Variants in PROM1 observed in about 807,000 individuals in gnomAD.
PROM1 encodes the protein prominin 1.
A neutral mutation model predicts 116.9 loss-of-function variants in PROM1; 105 were observed. The ratio of observed to expected loss-of-function variants is 0.90; its 90% CI spans 0.77 to 1.06. The LOEUF (loss-of-function observed/expected upper bound fraction) is 1.06, where lower values mean the gene tolerates loss of function less well. PROM1 is among the 50% of genes least tolerant of loss of function. The probability of loss-of-function intolerance (pLI) is 0.00; values close to 1 mark genes in which losing one functional copy is unlikely to be tolerated. For missense variants in PROM1, 1,122 were observed against 1,045.2 expected, an observed-to-expected ratio of 1.07 and a Z score of -1.01; for synonymous variants, 393 against 387.0, an observed-to-expected ratio of 1.02 and a Z score of -0.18.
At chr4:16,023,462 C>T in intron 7 of PROM1, 47 bp from the exon 8 acceptor site, 7 of 1,391,530 alleles carry the variant, frequency 5.0e-6, no homozygotes, top group Non-Finnish European at 7.0e-6. Context: ...CTCTGCTCAT[C>T]TCTCCACCCC....
rs756075405 is a variant in PROM1 at position 16,006,606 on chromosome 4, G to A, written c.1386C>T (p.Gly462=). The A allele has an allele frequency of 1.9e-6, 3 of 1,609,788 alleles. No homozygotes were observed. The highest frequency in any genetic ancestry group is 2.5e-6 in the Non-Finnish European group (3 of 1,178,208). Residue 462 remains glycine (G), a synonymous_variant, in exon 13 of 28, where the codon GGC becomes GGT. Coordinates refer to ENST00000447510, the MANE Select transcript of PROM1 (RefSeq NM_006017.3). The stretch of plus-strand genomic sequence containing the variant: ...TGGTCGGGGTGGCATGCCTGTCATA[G>A]CCGCACACGCCACACAGTAAGCCCA... ...YYLGLLCGVC[G]YDRHATPTTR...
chr4:16,072,474 T>C (rs1170163486), intron 2 of PROM1, among the ~76,000 whole-genome samples: 1 of 152,198 alleles, frequency 6.6e-6, no homozygotes, highest in Non-Finnish European at 1.5e-5. Flanking sequence ...AGAAAATTAT[T>C]ACAGTGAAAG....
chr4:16,040,118 C>CG (rs1560548824), intron 2 of PROM1, among the ~76,000 whole-genome samples: 1 of 152,118 alleles, frequency 6.6e-6, no homozygotes, highest in Admixed American at 6.5e-5. Flanking sequence ...GGGGGGCAAA[C>CG]GAAACACTAC....
At position 16,023,413 on chromosome 4, in the gene PROM1, T is replaced by C. The variant is rs1730417208; in HGVS notation, c.697A>G (p.Ile233Val). Residue 233 changes from isoleucine to valine, a missense_variant and splice_region_variant, in exon 8 of 28, where the codon ATC becomes GTC. Coordinates refer to ENST00000447510, the MANE Select transcript of PROM1 (RefSeq NM_006017.3). ...ATTCCGCCTCCTAGCACTGAATTGA[T>C]ACCTACATGCAAATAAGCACAAAGA... ...KDKAFTDLNS[I>V]NSVLGGGILD... 1 of 1,593,734 alleles carries C rather than the reference T, an allele frequency of 6.3e-7. No individual in the cohort carries two copies. The highest frequency in any genetic ancestry group is 1.7e-5 in the Admixed American group (1 of 58,160).
chr4:16,076,967 G>A (rs1199367489), intron 1 of PROM1, among the ~76,000 whole-genome samples: 6 of 152,342 alleles, frequency 3.9e-5, no homozygotes, highest in East Asian at 3.9e-4. Context: ...CCGGAAGACC[G>A]CAGGGACCTC....
intron 7 of PROM1, 103 bp from the exon 8 acceptor site, chr4:16,023,518 C>A: frequency 1.1e-6 from 1 of 889,324 alleles, no homozygotes. Context: ...TGCTGCAAAA[C>A]CCATTTGCAT....
intron 3 of PROM1, among the ~76,000 whole-genome samples, chr4:16,036,592 A>G (rs1733996300): frequency 1.3e-5 from 2 of 152,178 alleles, no homozygotes; most frequent in Admixed American, 1.3e-4. Flanking sequence ...AGCACCTCAC[A>G]GTGTGTGTTA....
intron 8 of PROM1, among the ~76,000 whole-genome samples, chr4:16,020,397 A>G (rs1162017460): frequency 2.0e-5 from 3 of 152,198 alleles, no homozygotes; most frequent in Non-Finnish European, 2.9e-5. Flanking sequence ...CCTATCATCC[A>G]GTATTGTCGG....
At chr4:16,026,432 T>C (rs1250424223) in intron 5 of PROM1, among the ~76,000 whole-genome samples, 1 of 152,004 alleles carries the variant, frequency 6.6e-6, no homozygotes, top group African/African-American at 2.4e-5. Context: ...ACTTGTTAGT[T>C]TGTAATCATC....
Position 16,077,082 on chromosome 4 carries a change from G to A in PROM1, c.-212-964C>T, listed in dbSNP as rs897578421. ...CTGACTGTCCCCCAGCCCGACACCC[G>A]TAAAGGGTCTGTGCTGAGGAGCATT... On this transcript the variant is annotated intron_variant, in intron 1 of 27. Coordinates refer to ENST00000447510, the MANE Select transcript of PROM1 (RefSeq NM_006017.3). Among the ~76,000 whole-genome samples, 11 of 152,318 alleles carry A rather than the reference G, an allele frequency of 7.2e-5. No homozygotes were observed. In the South Asian group the frequency reaches 1.0e-3, roughly 14 times the overall value.
In PROM1 at chr4:16,075,963, T is replaced by G. The variant is rs1743878955; in HGVS notation, c.-57A>C. Reference sequence around the variant, plus strand: ...ACTTGGTGCCTCCTGCCTCAGAGCTTCTGGAAGCCTTGGGGAAGGCAAGCG... The same window carrying G: ...ACTTGGTGCCTCCTGCCTCAGAGCTGCTGGAAGCCTTGGGGAAGGCAAGCG... On this transcript the variant is annotated 5_prime_UTR_variant, in exon 2 of 28. Coordinates refer to ENST00000447510, the MANE Select transcript of PROM1 (RefSeq NM_006017.3). The G allele has an allele frequency of 6.6e-7, 1 of 1,512,328 alleles. No individual in the cohort carries two copies. Among genetic ancestry groups the G allele is most frequent in the African/African-American group, 1.4e-5 (1 of 71,876 alleles). 93.7% of individuals were successfully genotyped at this position (1,512,328 alleles called of 1,614,324 possible).
chr4:15,985,728 C>G (rs751483905), intron 22 of PROM1, 32 bp downstream of exon 22: 1 of 1,406,920 alleles, frequency 7.1e-7, no homozygotes. Flanking sequence ...AACTTGACCC[C>G]CCTTAACATT....
chr4:15,997,714 C>T (rs1040653627), intron 15 of PROM1, among the ~76,000 whole-genome samples: 3 of 152,180 alleles, frequency 2.0e-5, no homozygotes, highest in African/African-American at 4.8e-5. Flanking sequence ...ATCCACCTGC[C>T]TCAGCCTCCC....
chr4:15,988,122 C>T (rs374031046), intron 19 of PROM1, among the ~76,000 whole-genome samples: 22 of 152,198 alleles, frequency 1.4e-4, no homozygotes, highest in African/African-American at 5.1e-4. Flanking sequence ...GTGATCCACC[C>T]GCCTCGGCCT....
At chr4:16,068,825 C>T (rs951954480) in intron 2 of PROM1, among the ~76,000 whole-genome samples, 1 of 152,188 alleles carries the variant, frequency 6.6e-6, no homozygotes, top group Non-Finnish European at 1.5e-5. Flanking sequence ...TCCCCACCTT[C>T]CTCACTTCTA....
chr4:16,037,966 C>T (rs1042253078), intron 3 of PROM1: 5 of 152,172 alleles, frequency 3.3e-5, no homozygotes, highest in African/African-American at 1.2e-4. Flanking sequence ...AGGATCAGGC[C>T]CCAACTTACC....
intron 4 of PROM1, among the ~76,000 whole-genome samples, chr4:16,034,181 G>C (rs1347441735): frequency 6.6e-6 from 1 of 152,112 alleles, no homozygotes; most frequent in East Asian, 1.9e-4. Context: ...AAAAATAGAA[G>C]TTAAAGATTC....
chr4:16,025,629 T>C (rs970266099), intron 5 of PROM1, among the ~76,000 whole-genome samples: 2 of 152,200 alleles, frequency 1.3e-5, no homozygotes, highest in African/African-American at 4.8e-5. Context: ...TAAGGCAGCA[T>C]GCATGATCCA....
At chr4:16,077,384 GCTGACCTT>G (rs1217018991) in intron 1 of PROM1, among the ~76,000 whole-genome samples, 5 of 152,166 alleles carry the variant, frequency 3.3e-5, no homozygotes, top group Non-Finnish European at 7.4e-5. Context: ...GTGTTTATCT[GCTGACCTT>G]CTCTCCACTA....
Sources: gnomAD v4.1 joint callset for allele counts (sites outside exome capture counted in the v4.1 genomes callset) on GRCh38, gnomAD v4.1.1 for gene constraint, MANE v1.5 for transcripts, NCBI Gene and HGNC (gene_info 2026-07-23, HGNC 2026-07-21) for gene names.